The following YWHAB variants were observed in gnomAD, a reference collection of about 807,000 sequenced individuals.
YWHAB encodes the protein 14-3-3 protein beta/alpha.
A neutral mutation model predicts 28.5 loss-of-function variants in YWHAB; 2 were observed. That is an observed-to-expected ratio of 0.07 (90% CI 0.03 to 0.22). The LOEUF (loss-of-function observed/expected upper bound fraction) is 0.22. Among genes scored for constraint, YWHAB ranks in the 10% least tolerant of loss-of-function variants. The pLI, the probability that YWHAB is intolerant of heterozygous loss-of-function variation, is 1.00. For missense variants in YWHAB, 148 were observed against 297.1 expected (o/e 0.50, Z 3.69); for synonymous variants, 103 against 104.7 (o/e 0.98, Z 0.10).
At chr20:44,904,930 A>G (rs974667066) in intron 3 of YWHAB, 38 bp from the exon 4 acceptor site, 24 of 1,550,494 alleles carry the variant, frequency 1.5e-5, no homozygotes, top group Non-Finnish European at 2.0e-5. Context: ...TACCTATGAA[A>G]GAACCGAGCC....
intron 3 of YWHAB, 61 bp from the exon 4 acceptor site, chr20:44,904,907 G>A: frequency 6.7e-7 from 1 of 1,483,464 alleles, no homozygotes; most frequent in Non-Finnish European, 9.0e-7. Flanking sequence ...TTGATAGTTG[G>A]TCCAATGTGT....
chr20:44,904,957 T>C lies in YWHAB; in HGVS notation c.425-11T>C, dbSNP rs1413849447. The stretch of plus-strand genomic sequence containing the variant: ...AACCGAGCCTTTAATATTTTCATCT[T>C]TATGTTACAGCCACTGTGTCGAACT... On this transcript the variant is annotated splice_polypyrimidine_tract_variant and intron_variant, in intron 3 of 5. Transcript: ENST00000353703. 6.4e-7 allele frequency: 1 copy of C among 1,574,480 alleles called. No homozygotes were observed. The highest frequency in any genetic ancestry group is 8.6e-7 in the Non-Finnish European group (1 of 1,158,822).
At chr20:44,886,074 G>C (rs1285678753) in intron 1 of YWHAB, 188 bp downstream of exon 1, 2 of 152,348 alleles carry the variant, frequency 1.3e-5, no homozygotes, top group African/African-American at 2.4e-5. Context: ...TTCCGGGGCC[G>C]GGCCCTTTAC....
At position 44,906,538 on chromosome 20, in the gene YWHAB, C is replaced by T. The variant is rs571580745; in HGVS notation, c.*100C>T. The T allele has an allele frequency of 1.0e-5, 11 of 1,082,304 alleles. No individual in the cohort carries two copies. The highest frequency in any genetic ancestry group is 2.6e-5 in the Admixed American group (1 of 37,836). 67.0% of individuals were successfully genotyped at this position (1,082,304 alleles called of 1,614,324 possible). ...AAAAAAAAAAAAAAAGAGAATCGTA[C>T]GTCGACTTTCGATTTTTCACAGCCT... On this transcript the variant is annotated 3_prime_UTR_variant, in exon 6 of 6. Transcript: ENST00000353703.
At chr20:44,906,173 G>A (rs2066654965) in intron 5 of YWHAB, 77 bp downstream of exon 5, 2 of 1,292,318 alleles carry the variant, frequency 1.5e-6, no homozygotes, top group Admixed American at 2.0e-5. Context: ...CTTCAAGAGG[G>A]GATTTGTACC....
chr20:44,898,983 G>T (rs955138065), intron 1 of YWHAB, among the ~76,000 whole-genome samples: 1 of 151,962 alleles, frequency 6.6e-6, no homozygotes, highest in African/African-American at 2.4e-5. Context: ...GAGTGTGGTG[G>T]TGCATGCCAG....
intron 1 of YWHAB, among the ~76,000 whole-genome samples, chr20:44,892,052 C>T (rs993809357): frequency 1.3e-5 from 2 of 152,310 alleles, no homozygotes; most frequent in South Asian, 2.1e-4. Context: ...GTCCCTTCTG[C>T]AGTAGCTTGG....
chr20:44,903,244 C>A, intron 2 of YWHAB: 1 of 258,616 alleles, frequency 3.9e-6, no homozygotes, highest in Non-Finnish European at 6.1e-6. Context: ...ATTATAACTA[C>A]CCTAGAAGAT....
At chr20:44,893,948 TG>T (rs1371235492) in intron 1 of YWHAB, among the ~76,000 whole-genome samples, 1 of 152,146 alleles carries the variant, frequency 6.6e-6, no homozygotes, top group Non-Finnish European at 1.5e-5. Context: ...CTGCCTGCCT[TG>T]GCCTCCCAAA....
chr20:44,897,638 A>G (rs1180329401), intron 1 of YWHAB, among the ~76,000 whole-genome samples: 1 of 152,238 alleles, frequency 6.6e-6, no homozygotes, highest in Admixed American at 6.5e-5. Context: ...ACCTGGGGAT[A>G]CCAAAATCTG....
chr20:44,886,952 A>G (rs1324350016), intron 1 of YWHAB: 2 of 152,240 alleles, frequency 1.3e-5, no homozygotes, highest in Non-Finnish European at 2.9e-5. Flanking sequence ...TGAACATAAA[A>G]TCAGCCTCGG....
intron 1 of YWHAB, chr20:44,886,605 A>G (rs775844981): frequency 6.6e-6 from 1 of 152,142 alleles, no homozygotes; most frequent in Non-Finnish European, 1.5e-5. Flanking sequence ...CCGTCATTTA[A>G]TGCCAGATTC....
rs1189469029 is a variant in YWHAB, at chr20:44,907,358, G to T, written c.*920G>T. 2 of 152,292 alleles carry T rather than the reference G, an allele frequency of 1.3e-5. No homozygotes were observed. The highest frequency in any genetic ancestry group is 2.9e-5 in the Non-Finnish European group (2 of 68,128). 9.4% of individuals were successfully genotyped at this position (152,292 alleles called of 1,614,324 possible). On this transcript the variant is annotated 3_prime_UTR_variant, in exon 6 of 6. Transcript: ENST00000353703. ...TTTGGGAGGCTGAGGCAGGAGGATC[G>T]CTTGAGCCCAGGAGTTTAAAGCTGC...
intron 1 of YWHAB, among the ~76,000 whole-genome samples, chr20:44,890,106 A>G (rs1447709821): frequency 6.6e-6 from 1 of 152,228 alleles, no homozygotes; most frequent in Non-Finnish European, 1.5e-5. Flanking sequence ...GTTATTTACT[A>G]AACGAGTTAG....
At chr20:44,889,371 T>G (rs1337074295) in intron 1 of YWHAB, among the ~76,000 whole-genome samples, 1 of 152,194 alleles carries the variant, frequency 6.6e-6, no homozygotes, top group Non-Finnish European at 1.5e-5. Flanking sequence ...GATTTTCTAA[T>G]AGAGGTGTGG....
chr20:44,903,893 C>CA (rs1192822609), intron 2 of YWHAB, 100 bp from the exon 3 acceptor site: 1 of 1,396,534 alleles, frequency 7.2e-7, no homozygotes, highest in African/African-American at 1.5e-5. Flanking sequence ...TTTAATCTTC[C>CA]AAAAAATTAT....
At chr20:44,905,476 CTTG>C (rs143472817) in intron 4 of YWHAB, 1,900 of 188,054 alleles carry the variant, frequency 0.01, 33 homozygotes, top group African/African-American at 0.039. Flanking sequence ...ACAGCACATT[CTTG>C]TTGTGTGTTG....
intron 4 of YWHAB, 197 bp from the exon 5 acceptor site, chr20:44,905,802 TTC>T: frequency 2.0e-6 from 1 of 501,114 alleles, no homozygotes; most frequent in Non-Finnish European, 3.6e-6. Flanking sequence ...ACCTTGGAGT[TTC>T]TGTCATTGTT....
intron 2 of YWHAB, chr20:44,902,080 A>T: frequency 2.6e-6 from 1 of 385,958 alleles, no homozygotes; most frequent in Non-Finnish European, 4.6e-6. Context: ...AAACAGTGAC[A>T]TTTTTTCAGC....
Sources: allele counts gnomAD v4.1 joint callset (sites outside exome capture counted in the v4.1 genomes callset), GRCh38; gene constraint gnomAD v4.1.1; transcripts MANE v1.5; gene names NCBI Gene and HGNC (gene_info 2026-07-23, HGNC 2026-07-21).